Variants in C3orf70 observed in about 807,000 individuals in gnomAD.
C3orf70 encodes the protein UPF0524 protein C3orf70.
In C3orf70, 15 loss-of-function variants were observed where a neutral mutation model predicts 20.7. The ratio of observed to expected loss-of-function variants is 0.72; its 90% CI spans 0.48 to 1.11. The LOEUF is 1.11. Ranked by LOEUF, C3orf70 falls within the 50% of genes most tolerant of loss-of-function variation. The pLI, the probability that C3orf70 is intolerant of heterozygous loss-of-function variation, is 0.00. For missense variants in C3orf70, 332 were observed against 317.6 expected (o/e 1.05, Z -0.34); for synonymous variants, 161 against 125.7 (o/e 1.28, Z -1.88).
At chr3:185,152,603 G>A in intron 1 of C3orf70, 25 bp downstream of exon 1, 1 of 1,529,742 alleles carries the variant, frequency 6.5e-7, no homozygotes, top group Non-Finnish European at 8.8e-7. Flanking sequence ...CGCGGCGGAA[G>A]GCGGGAAGAC....
intron 1 of C3orf70, among the ~76,000 whole-genome samples, chr3:185,087,465 G>T (rs759786500): frequency 6.6e-6 from 1 of 152,148 alleles, no homozygotes; most frequent in African/African-American, 2.4e-5. Flanking sequence ...TCATATACAC[G>T]TAAAATATAT....
At chr3:185,105,767 G>A (rs1715921125) in intron 1 of C3orf70, among the ~76,000 whole-genome samples, 1 of 152,216 alleles carries the variant, frequency 6.6e-6, no homozygotes, top group South Asian at 2.1e-4. Context: ...CTGGAGCGAT[G>A]GTTGGAGAAT....
At chr3:185,117,450 C>CACACAG (rs1357465955) in intron 1 of C3orf70, among the ~76,000 whole-genome samples, 1 of 67,400 alleles carries the variant, frequency 1.5e-5, no homozygotes, top group South Asian at 5.1e-4. Context: ...CACACACACA[C>CACACAG]AGAAAGAGAG....
At chr3:185,117,344 T>C (rs1045378459) in intron 1 of C3orf70, among the ~76,000 whole-genome samples, 2 of 145,170 alleles carry the variant, frequency 1.4e-5, no homozygotes, top group African/African-American at 2.4e-5. Context: ...GTAAGATCTG[T>C]GAGAAATCTT....
chr3:185,130,409 G>A (rs563116696), intron 1 of C3orf70, among the ~76,000 whole-genome samples: 9 of 152,240 alleles, frequency 5.9e-5, no homozygotes, highest in South Asian at 2.1e-4. Flanking sequence ...AGCCGAGATC[G>A]CACCATTGCT....
intron 1 of C3orf70, among the ~76,000 whole-genome samples, chr3:185,117,076 C>T (rs371213408): frequency 1.3e-5 from 2 of 152,120 alleles, no homozygotes; most frequent in African/African-American, 2.4e-5. Context: ...CCACCGCGCC[C>T]GGCCTGACCC....
intron 1 of C3orf70, among the ~76,000 whole-genome samples, chr3:185,147,461 C>T (rs2108608123): frequency 6.6e-6 from 1 of 152,302 alleles, no homozygotes; most frequent in East Asian, 1.9e-4. Context: ...AAACTTTCCC[C>T]ATCATTGGCT....
rs538399083 is a variant in C3orf70, at chr3:185,079,036, C to T, written c.*3971G>A. On this transcript the variant is annotated 3_prime_UTR_variant, in exon 2 of 2. Coordinates refer to ENST00000335012, the MANE Select transcript of C3orf70 (RefSeq NM_001025266.3). ...GTGGTTCACGCCTGCAATCCCAGCA[C>T]TTTGGGAAGCCGAGGAGGGTGGATC... is the stretch of plus-strand genomic sequence containing the variant. The T allele has an allele frequency of 1.2e-4, 18 of 152,130 alleles. No homozygotes were observed. Among genetic ancestry groups the T allele is most frequent in the Non-Finnish European group, 2.2e-4 (15 of 68,058 alleles). The allele number at this position is 152,130 out of a possible 1,614,324, so 9.4% of individuals were successfully genotyped here.
intron 1 of C3orf70, among the ~76,000 whole-genome samples, chr3:185,128,620 A>C (rs927534357): frequency 6.6e-6 from 1 of 152,058 alleles, no homozygotes; most frequent in African/African-American, 2.4e-5. Flanking sequence ...TTTGTATCTG[A>C]TTAACCTTGA....
chr3:185,083,554 A>G lies in C3orf70; in HGVS notation c.206T>C (p.Met69Thr), dbSNP rs1321171697. 1.3e-6 allele frequency: 2 copies of G among 1,590,904 alleles called. No homozygotes were observed. Among genetic ancestry groups the G allele is most frequent in the African/African-American group, 1.3e-5 (1 of 74,402 alleles). Residue 69 changes from methionine (M) to threonine (T), a missense_variant, in exon 2 of 2, where the codon ATG becomes ACG. Transcript: ENST00000335012. The stretch of plus-strand genomic sequence containing the variant: ...TTCCACAGGGGTCATAGGCTGATAC[A>G]TGTATTTGCCTGTGAAGACACAAAA... ...CHLGWCHCKY[M>T]YQPMTPVEQL...
rs1473948346 is a variant in C3orf70 at position 185,142,287 on chromosome 3, C to T, written c.196+10341G>A. 2.0e-5 allele frequency among the ~76,000 whole-genome samples: 3 copies of T among 152,032 alleles called. No individual in the cohort carries two copies. The South Asian group carries it at 6.2e-4, about 32-fold the overall frequency. The stretch of plus-strand genomic sequence containing the variant: ...AGCCTGGACAACACAGTGAAACCCC[C>T]CTCTCTACAAAAATAAAAAAATGAG... On this transcript the variant is annotated intron_variant, in intron 1 of 1. Transcript: ENST00000335012.
chr3:185,101,139 T>C (rs1715814135), intron 1 of C3orf70, among the ~76,000 whole-genome samples: 1 of 152,144 alleles, frequency 6.6e-6, no homozygotes, highest in African/African-American at 2.4e-5. Flanking sequence ...ACTGAAACTA[T>C]TCCAATAAAT....
At chr3:185,122,994 A>T (rs1444063773) in intron 1 of C3orf70, among the ~76,000 whole-genome samples, 1 of 129,678 alleles carries the variant, frequency 7.7e-6, no homozygotes, top group African/African-American at 3.8e-5. Context: ...CATCTCTACT[A>T]AAAAAAAAAA....
At chr3:185,141,831 C>CAT (rs1424118288) in intron 1 of C3orf70, among the ~76,000 whole-genome samples, 1 of 151,110 alleles carries the variant, frequency 6.6e-6, no homozygotes, top group African/African-American at 2.5e-5. Context: ...CACACACACA[C>CAT]ACACATTTCC....
intron 1 of C3orf70, among the ~76,000 whole-genome samples, chr3:185,147,530 A>G (rs1716901100): frequency 1.3e-5 from 2 of 152,344 alleles, no homozygotes; most frequent in Non-Finnish European, 1.5e-5. Context: ...CTACAGTGCA[A>G]TGATGGTTAA....
intron 1 of C3orf70, among the ~76,000 whole-genome samples, chr3:185,137,962 G>A (rs1006335539): frequency 2.0e-5 from 3 of 152,098 alleles, no homozygotes; most frequent in Non-Finnish European, 4.4e-5. Flanking sequence ...ACAAAGAGCT[G>A]CCTCTTTTAA....
At chr3:185,130,057 A>G (rs1716495830) in intron 1 of C3orf70, among the ~76,000 whole-genome samples, 1 of 152,088 alleles carries the variant, frequency 6.6e-6, no homozygotes, top group African/African-American at 2.4e-5. Flanking sequence ...ACTTCTTTCT[A>G]TTTTTCCTGT....
chr3:185,087,256 A>G (rs1012549836), intron 1 of C3orf70, among the ~76,000 whole-genome samples: 2 of 152,234 alleles, frequency 1.3e-5, no homozygotes, highest in African/African-American at 4.8e-5. Context: ...AGATACTCAG[A>G]GTGAGGGCTC....
rs1035077535 is a variant in C3orf70, at chr3:185,077,305, G to A, written c.*5702C>T. Among the ~76,000 whole-genome samples the A allele has an allele frequency of 2.6e-5, 4 of 152,152 alleles. No individual in the cohort carries two copies. Among genetic ancestry groups the A allele is most frequent in the East Asian group, 1.9e-4 (1 of 5,162 alleles). On this transcript the variant is annotated 3_prime_UTR_variant, in exon 2 of 2. Transcript: ENST00000335012. The stretch of plus-strand genomic sequence containing the variant: ...AATGCAGACAATGGGCCAAGAGTGC[G>A]GACTCTAGAGCCAAAGTGACCGGGT...
Sources: allele counts gnomAD v4.1 joint callset (sites outside exome capture counted in the v4.1 genomes callset), GRCh38; gene constraint gnomAD v4.1.1; transcripts MANE v1.5; gene names NCBI Gene and HGNC (gene_info 2026-07-23, HGNC 2026-07-21).